Variants in HNRNPLL observed in about 807,000 individuals in gnomAD.
HNRNPLL encodes heterogeneous nuclear ribonucleoprotein L like.
A neutral mutation model predicts 67.1 loss-of-function variants in HNRNPLL; 25 were observed. The ratio of observed to expected loss-of-function variants is 0.37; its 90% CI spans 0.27 to 0.52. HNRNPLL has a LOEUF of 0.52. HNRNPLL is among the 20% of genes least tolerant of loss of function. The probability of loss-of-function intolerance (pLI) is 0.90; values close to 1 mark genes in which losing one functional copy is unlikely to be tolerated. For synonymous variants in HNRNPLL, 267 were observed against 241.7 expected (o/e 1.10, Z -0.97); for missense variants, 542 against 673.9 (o/e 0.80, Z 2.17).
intron 1 of HNRNPLL, among the ~76,000 whole-genome samples, chr2:38,597,474 G>C (rs1667242187): frequency 6.6e-6 from 1 of 152,126 alleles, no homozygotes; most frequent in Non-Finnish European, 1.5e-5. Flanking sequence ...AGTTTTAACG[G>C]GCAGCTGTAA....
At chr2:38,597,023 C>T (rs1667222000) in intron 1 of HNRNPLL, among the ~76,000 whole-genome samples, 1 of 152,268 alleles carries the variant, frequency 6.6e-6, no homozygotes, top group East Asian at 1.9e-4. Context: ...CTTAATAATA[C>T]AATATTTTAT....
intron 2 of HNRNPLL, among the ~76,000 whole-genome samples, chr2:38,587,571 C>T (rs904318902): frequency 6.6e-6 from 1 of 152,130 alleles, no homozygotes; most frequent in African/African-American, 2.4e-5. Context: ...AGACGCTTCA[C>T]TGAAGTTCTA....
intron 3 of HNRNPLL, among the ~76,000 whole-genome samples, chr2:38,584,804 T>G (rs543111361): frequency 2.0e-5 from 3 of 151,934 alleles, no homozygotes; most frequent in Admixed American, 6.6e-5. Flanking sequence ...AGAAATTTCT[T>G]GAGCATCTAT....
Position 38,583,852 on chromosome 2 carries a change from T to C in HNRNPLL, c.621A>G (p.Gln207=). Residue 207 remains glutamine (Q), a synonymous_variant, in exon 4 of 13, where the codon CAA becomes CAG. Coordinates refer to ENST00000449105, the MANE Select transcript of HNRNPLL (RefSeq NM_138394.4). ...RIVIFKRNGI[Q]AMVEFESVLC... ...CAAATAAAGGATATTCAACCATTGC[T>C]TGTATCCCATTTCTCTTGAATATAA... 1.3e-6 allele frequency: 2 copies of C among 1,517,446 alleles called. No individual in the cohort carries two copies. The highest frequency in any genetic ancestry group is 1.8e-6 in the Non-Finnish European group (2 of 1,101,752). The allele number at this position is 1,517,446 out of a possible 1,614,324, so 94.0% of individuals were successfully genotyped here.
chr2:38,583,277 G>A (rs965321747), intron 4 of HNRNPLL, among the ~76,000 whole-genome samples: 2 of 152,110 alleles, frequency 1.3e-5, no homozygotes, highest in African/African-American at 4.8e-5. Flanking sequence ...CACTATTAAA[G>A]CGTTTGCTGT....
chr2:38,597,472 C>A (rs1228498168), intron 1 of HNRNPLL, among the ~76,000 whole-genome samples: 2 of 152,168 alleles, frequency 1.3e-5, no homozygotes, highest in African/African-American at 2.4e-5. Context: ...AAAGTTTTAA[C>A]GGGCAGCTGT....
At chr2:38,565,457 G>C (rs943214398) in intron 12 of HNRNPLL, among the ~76,000 whole-genome samples, 8 of 152,020 alleles carry the variant, frequency 5.3e-5, no homozygotes, top group Admixed American at 1.3e-4. Context: ...TACAATCCCA[G>C]CAACTTGGGA....
chr2:38,574,598 T>C (rs1195024571), intron 7 of HNRNPLL, among the ~76,000 whole-genome samples: 1 of 151,888 alleles, frequency 6.6e-6, no homozygotes, highest in Admixed American at 6.6e-5. Flanking sequence ...TAACATACTA[T>C]TAGAGCTTAT....
intron 1 of HNRNPLL, among the ~76,000 whole-genome samples, chr2:38,598,974 T>C (rs923655741): frequency 7.2e-5 from 11 of 152,248 alleles, no homozygotes; most frequent in Non-Finnish European, 1.6e-4. Context: ...ATGAAGTAGT[T>C]ACTACACAGT....
chr2:38,574,112 T>C (rs1666204610), intron 7 of HNRNPLL, among the ~76,000 whole-genome samples: 1 of 151,916 alleles, frequency 6.6e-6, no homozygotes, highest in South Asian at 2.1e-4. Flanking sequence ...CACTCAAATC[T>C]ATGTCTCTTA....
chr2:38,565,917 G>A, intron 12 of HNRNPLL: 1 of 610,668 alleles, frequency 1.6e-6, no homozygotes. Flanking sequence ...TTGAAAGCTA[G>A]AATATTTTAA....
At chr2:38,587,412 A>G (rs1429551972) in intron 2 of HNRNPLL, among the ~76,000 whole-genome samples, 1 of 152,214 alleles carries the variant, frequency 6.6e-6, no homozygotes, top group Non-Finnish European at 1.5e-5. Flanking sequence ...CTCAGAAGCT[A>G]GAAACAGAGC....
chr2:38,571,390 G>A (rs1385763989), intron 8 of HNRNPLL, among the ~76,000 whole-genome samples: 1 of 152,140 alleles, frequency 6.6e-6, no homozygotes, highest in East Asian at 1.9e-4. Context: ...GAGGACTCCT[G>A]TACCAATGAC....
intron 10 of HNRNPLL, among the ~76,000 whole-genome samples, 188 bp from the exon 11 acceptor site, chr2:38,568,631 T>TA (rs1283687876): frequency 6.6e-6 from 1 of 152,210 alleles, no homozygotes; most frequent in African/African-American, 2.4e-5. Flanking sequence ...TTCTATAAAC[T>TA]ATATTAAGTA....
chr2:38,564,682 T>G (rs1483384409), intron 12 of HNRNPLL, among the ~76,000 whole-genome samples: 1 of 151,882 alleles, frequency 6.6e-6, no homozygotes, highest in Non-Finnish European at 1.5e-5. Flanking sequence ...TATTCATATT[T>G]ACTGGAAGGT....
chr2:38,602,812 G>C lies in HNRNPLL; in HGVS notation c.-186C>G. 1 of 1,544,932 alleles carries C rather than the reference G, an allele frequency of 6.5e-7. No homozygotes were observed. The highest frequency in any genetic ancestry group is 8.7e-7 in the Non-Finnish European group (1 of 1,144,670). ...TGAGAAGCGCGGACGGACTGAGGGG[G>C]GCGCCCCGGGAGGAAGCTCTGGAGC... On this transcript the variant is annotated 5_prime_UTR_variant, in exon 1 of 13. Coordinates refer to ENST00000449105, the MANE Select transcript of HNRNPLL (RefSeq NM_138394.4).
chr2:38,577,382 A>G, intron 7 of HNRNPLL, 79 bp downstream of exon 7: 1 of 900,062 alleles, frequency 1.1e-6, no homozygotes, highest in Non-Finnish European at 1.9e-6. Flanking sequence ...AATAGACAAG[A>G]AATGTGCCAT....
chr2:38,587,228 T>G (rs1376222658), intron 2 of HNRNPLL, among the ~76,000 whole-genome samples: 3 of 152,192 alleles, frequency 2.0e-5, no homozygotes, highest in Non-Finnish European at 4.4e-5. Context: ...TGGCAAATTA[T>G]TATTATAGTA....
intron 2 of HNRNPLL, among the ~76,000 whole-genome samples, chr2:38,589,782 C>A (rs115326603): frequency 0.013 from 1,924 of 152,180 alleles, 39 homozygotes; most frequent in African/African-American, 0.044. Context: ...CACTGCTTCC[C>A]AAAGTTTCCA....
Sources: gnomAD v4.1 joint callset for allele counts (sites outside exome capture counted in the v4.1 genomes callset) on GRCh38, gnomAD v4.1.1 for gene constraint, MANE v1.5 for transcripts, NCBI Gene and HGNC (gene_info 2026-07-23, HGNC 2026-07-21) for gene names.